Variants in CDH12 observed in about 807,000 individuals in gnomAD.
CDH12 encodes cadherin-12.
CDH12 carries 41 observed loss-of-function variants against 74.1 expected under a neutral mutation model. The observed-to-expected ratio is 0.55, with a 90% CI of 0.43 to 0.72. The LOEUF (loss-of-function observed/expected upper bound fraction) is 0.72. Among genes scored for constraint, CDH12 ranks in the 30% least tolerant of loss-of-function variants. The pLI, the probability that CDH12 is intolerant of heterozygous loss-of-function variation, is 0.00. For synonymous variants in CDH12, 399 were observed against 355.0 expected, an observed-to-expected ratio of 1.12 and a Z score of -1.39; for missense variants, 945 against 977.2, an observed-to-expected ratio of 0.97 and a Z score of 0.44.
chr5:22,336,702 G>A (rs1206800273), intron 3 of CDH12, among the ~76,000 whole-genome samples: 1 of 152,222 alleles, frequency 6.6e-6, no homozygotes, highest in Non-Finnish European at 1.5e-5. Context: ...TTCAGAAATT[G>A]TATGGAATGG....
intron 3 of CDH12, among the ~76,000 whole-genome samples, chr5:22,322,065 C>G (rs569946908): frequency 1.3e-5 from 2 of 152,078 alleles, no homozygotes; most frequent in Non-Finnish European, 2.9e-5. Context: ...TTAATGAGTG[C>G]GACTTTCCTG....
intron 1 of CDH12, among the ~76,000 whole-genome samples, chr5:22,558,975 C>T (rs1738925188): frequency 6.6e-6 from 1 of 152,024 alleles, no homozygotes; most frequent in Non-Finnish European, 1.5e-5. Flanking sequence ...GATGCCACTG[C>T]TTGTATGTTG....
At chr5:22,695,375 G>A (rs570079354) in intron 1 of CDH12, among the ~76,000 whole-genome samples, 2 of 152,178 alleles carry the variant, frequency 1.3e-5, no homozygotes, top group South Asian at 2.1e-4. Context: ...TGGGATTGCT[G>A]GGTCAAATGT....
chr5:22,677,863 A>G (rs987959851), intron 1 of CDH12, among the ~76,000 whole-genome samples: 6 of 152,094 alleles, frequency 3.9e-5, no homozygotes, highest in Admixed American at 1.3e-4. Flanking sequence ...CAGGGTGCCA[A>G]CGTGGTTAGG....
rs577007499 is a variant in CDH12 at position 21,877,981 on chromosome 5, T to G, written c.527-23191A>C. ...GAAGGCAAGTGAACTTGATACTGAT[T>G]ATTTCATAAACTCAAAGTCACGATG... On this transcript the variant is annotated intron_variant, in intron 6 of 14. Coordinates refer to ENST00000382254, the MANE Select transcript of CDH12 (RefSeq NM_004061.5). Among the ~76,000 whole-genome samples, 110 of 152,388 alleles carry G rather than the reference T, an allele frequency of 7.2e-4. 1 individual carries two copies. The Middle Eastern group carries it at 0.014, about 19-fold the overall frequency.
At chr5:22,396,026 C>G (rs1020325074) in intron 3 of CDH12, among the ~76,000 whole-genome samples, 1 of 151,424 alleles carries the variant, frequency 6.6e-6, no homozygotes, top group African/African-American at 2.4e-5. Context: ...CTCAATATTA[C>G]AGAAGTTGAT....
intron 4 of CDH12, among the ~76,000 whole-genome samples, chr5:22,177,430 T>C (rs1283734685): frequency 2.6e-5 from 4 of 152,160 alleles, no homozygotes; most frequent in African/African-American, 4.8e-5. Context: ...GAAGGAATAA[T>C]GAATCTCATG....
chr5:22,773,748 A>C, intron 1 of CDH12, among the ~76,000 whole-genome samples: 1 of 152,152 alleles, frequency 6.6e-6, no homozygotes, highest in East Asian at 1.9e-4. Context: ...TGTGCACACA[A>C]CAAAGGTCTG....
chr5:22,393,632 G>A (rs1353651776), intron 3 of CDH12, among the ~76,000 whole-genome samples: 2 of 152,146 alleles, frequency 1.3e-5, no homozygotes, highest in Non-Finnish European at 2.9e-5. Context: ...GAAAATTCCT[G>A]AATTGTCTTG....
chr5:22,542,160 T>G (rs1211237533), intron 1 of CDH12, among the ~76,000 whole-genome samples: 1 of 152,224 alleles, frequency 6.6e-6, no homozygotes. Context: ...AATGTAATTT[T>G]TATTTACAGG....
At chr5:22,818,229 A>T (rs1031975542) in intron 1 of CDH12, among the ~76,000 whole-genome samples, 3 of 152,192 alleles carry the variant, frequency 2.0e-5, no homozygotes, top group African/African-American at 7.2e-5. Flanking sequence ...CATACAAGAC[A>T]CTACAAAGTC....
At chr5:22,398,909 C>A (rs1454439821) in intron 3 of CDH12, among the ~76,000 whole-genome samples, 2 of 151,912 alleles carry the variant, frequency 1.3e-5, no homozygotes, top group Non-Finnish European at 1.5e-5. Context: ...TGGTAGAGAC[C>A]CCTCTATGTG....
chr5:22,443,263 A>G (rs1314314217), intron 2 of CDH12, among the ~76,000 whole-genome samples: 1 of 152,116 alleles, frequency 6.6e-6, no homozygotes, highest in Non-Finnish European at 1.5e-5. Flanking sequence ...CACAAAACCT[A>G]AAATTTCACT....
chr5:22,104,209 G>C (rs1178420607), intron 4 of CDH12, among the ~76,000 whole-genome samples: 1 of 152,122 alleles, frequency 6.6e-6, no homozygotes, highest in African/African-American at 2.4e-5. Context: ...ATATTTATCT[G>C]TTATAGCCAT....
At chr5:22,413,267 G>C (rs911959584) in intron 2 of CDH12, among the ~76,000 whole-genome samples, 2 of 151,930 alleles carry the variant, frequency 1.3e-5, no homozygotes, top group Non-Finnish European at 2.9e-5. Context: ...GGCATGAAAA[G>C]TCCAAAGGGG....
intron 1 of CDH12, among the ~76,000 whole-genome samples, chr5:22,629,295 C>G (rs1055708530): frequency 6.6e-6 from 1 of 151,686 alleles, no homozygotes; most frequent in Non-Finnish European, 1.5e-5. Context: ...GAGACACACA[C>G]GCATAAACAC....
At chr5:21,891,245 TC>T (rs1480293147) in intron 6 of CDH12, among the ~76,000 whole-genome samples, 8 of 152,034 alleles carry the variant, frequency 5.3e-5, no homozygotes, top group Admixed American at 2.6e-4. Flanking sequence ...GAAAATACAC[TC>T]CTGGAGTTTT....
chr5:22,846,625 GAT>G (rs1221686420), intron 1 of CDH12, among the ~76,000 whole-genome samples: 4 of 152,128 alleles, frequency 2.6e-5, no homozygotes, highest in Non-Finnish European at 1.5e-5. Flanking sequence ...AATTTTGATG[GAT>G]ACTGTCAAAT....
chr5:22,759,712 T>G (rs1746108390), intron 1 of CDH12, among the ~76,000 whole-genome samples: 1 of 152,352 alleles, frequency 6.6e-6, no homozygotes, highest in Middle Eastern at 3.4e-3. Flanking sequence ...CATGATGGTG[T>G]TATCCCACTA....
Sources: allele counts gnomAD v4.1 joint callset (sites outside exome capture counted in the v4.1 genomes callset), GRCh38; gene constraint gnomAD v4.1.1; transcripts MANE v1.5; gene names NCBI Gene and HGNC (gene_info 2026-07-23, HGNC 2026-07-21).